Variants in CIT observed in about 807,000 individuals in gnomAD.
CIT encodes citron Rho-interacting kinase.
CIT carries 79 observed loss-of-function variants against 272.7 expected under a neutral mutation model. That is an observed-to-expected ratio of 0.29 (90% CI 0.24 to 0.35). The LOEUF is 0.35. CIT is among the 10% of genes least tolerant of loss of function. CIT has a pLI of 1.00. For synonymous variants in CIT, 948 were observed against 995.6 expected (o/e 0.95, Z 0.90); for missense variants, 1,909 against 2,618.3 (o/e 0.73, Z 5.91).
chr12:119,799,469 G>A (rs977369018), intron 10 of CIT, among the ~76,000 whole-genome samples: 1 of 152,184 alleles, frequency 6.6e-6, no homozygotes, highest in African/African-American at 2.4e-5. Context: ...GGAAGCAATG[G>A]CAACAGCCAC....
intron 10 of CIT, among the ~76,000 whole-genome samples, chr12:119,789,080 G>C (rs1233947892): frequency 6.6e-6 from 1 of 152,074 alleles, no homozygotes; most frequent in African/African-American, 2.4e-5. Flanking sequence ...GAATCACTTG[G>C]AGACCTTTTA....
intron 7 of CIT, among the ~76,000 whole-genome samples, chr12:119,831,218 T>C (rs1332721792): frequency 6.6e-6 from 1 of 152,240 alleles, no homozygotes; most frequent in Non-Finnish European, 1.5e-5. Context: ...TTCTGTGCTT[T>C]ATTCCACTAA....
At chr12:119,789,537 A>G (rs1371416656) in intron 10 of CIT, among the ~76,000 whole-genome samples, 1 of 152,244 alleles carries the variant, frequency 6.6e-6, no homozygotes, top group Non-Finnish European at 1.5e-5. Flanking sequence ...GGCTCAATTT[A>G]AAATGTTTAT....
rs79637085 is a variant in CIT at position 119,816,532 on chromosome 12, C to T, written c.1111+6288G>A. ...CTTCCTCTTGCAGGGCTTCACAACT[C>T]TAATATGCACAGAAATCCCCTGGGG... is the stretch of plus-strand genomic sequence containing the variant. On this transcript the variant is annotated intron_variant, in intron 9 of 47. Transcript: ENST00000392521. 3.1e-3 allele frequency among the ~76,000 whole-genome samples: 478 copies of T among 152,288 alleles called. 1 individual carries two copies. The highest frequency in any genetic ancestry group is 0.011 in the African/African-American group (464 of 41,550).
At chr12:119,817,839 C>T (rs1167841547) in intron 9 of CIT, among the ~76,000 whole-genome samples, 1 of 151,108 alleles carries the variant, frequency 6.6e-6, no homozygotes, top group Admixed American at 6.6e-5. Context: ...CTTTGGGAGG[C>T]AGAGGGAGGA....
Position 119,697,877 on chromosome 12 carries a change from C to A in CIT, c.5703-39G>T. On this transcript the variant is annotated intron_variant, in intron 45 of 47. Transcript: ENST00000392521. This position sits in a 1 kb window ranked among gnomAD's most constrained non-coding sequence, Gnocchi z 4.9. ...GAGTTCCAGTTACCTTCATTGCAGG[C>A]TACCTCCATTGCTAGGCAAGTTAGG... is the stretch of plus-strand genomic sequence containing the variant. 1 of 1,613,158 alleles carries A rather than the reference C, an allele frequency of 6.2e-7. No individual in the cohort carries two copies.
intron 47 of CIT, 63 bp from the exon 48 acceptor site, chr12:119,688,318 C>G: frequency 1.3e-6 from 2 of 1,514,734 alleles, no homozygotes; most frequent in Non-Finnish European, 1.8e-6. Flanking sequence ...GCTCACCTTG[C>G]ATGATGCAAA....
chr12:119,835,879 T>G (rs933497942), intron 5 of CIT, among the ~76,000 whole-genome samples: 4 of 152,118 alleles, frequency 2.6e-5, no homozygotes, highest in African/African-American at 9.7e-5. Context: ...GGGCTCCTTA[T>G]AACCTGGGAA....
intron 5 of CIT, among the ~76,000 whole-genome samples, chr12:119,837,576 G>A (rs1593911712): frequency 6.6e-6 from 1 of 152,218 alleles, no homozygotes; most frequent in East Asian, 1.9e-4. Flanking sequence ...CCCAGGTTGT[G>A]ACCAAGAGTC....
At chr12:119,812,429 G>A (rs989685116) in intron 9 of CIT, among the ~76,000 whole-genome samples, 2 of 151,620 alleles carry the variant, frequency 1.3e-5, no homozygotes, top group Admixed American at 1.3e-4. Context: ...TATCTCTTTA[G>A]TATCCTTTTC....
intron 39 of CIT, among the ~76,000 whole-genome samples, chr12:119,709,059 C>T (rs1957021483): frequency 6.6e-6 from 1 of 152,120 alleles, no homozygotes; most frequent in African/African-American, 2.4e-5. Flanking sequence ...TGATTAAATG[C>T]AATGCAAATT....
rs1362738087 is a variant in CIT at position 119,697,549 on chromosome 12, T to C, written c.5882+110A>G. ...CGCAAACAAATGAATGGTTTGAGCT[T>C]AAGAACAAAGTGAAGATTGGGAAAC... On this transcript the variant is annotated intron_variant, in intron 46 of 47. Coordinates refer to ENST00000392521, the MANE Select transcript of CIT (RefSeq NM_001206999.2). This position sits in a 1 kb window ranked among gnomAD's most constrained non-coding sequence, Gnocchi z 4.9. 24 of 1,171,102 alleles carry C rather than the reference T, an allele frequency of 2.0e-5. No individual in the cohort carries two copies. Among genetic ancestry groups the C allele is most frequent in the Non-Finnish European group, 2.8e-5 (23 of 825,706 alleles). The allele number at this position is 1,171,102 out of a possible 1,614,324, so 72.5% of individuals were successfully genotyped here.
chr12:119,693,255 C>T (rs1033785548), intron 46 of CIT, among the ~76,000 whole-genome samples: 1 of 152,160 alleles, frequency 6.6e-6, no homozygotes, highest in Non-Finnish European at 1.5e-5. Context: ...CAAGGAGTTA[C>T]GTTTCCTGCT....
chr12:119,806,137 CAAAAA>C (rs3858711), intron 9 of CIT, among the ~76,000 whole-genome samples: 7 of 62,658 alleles, frequency 1.1e-4, no homozygotes, highest in African/African-American at 2.9e-4. Flanking sequence ...AACACCATCT[CAAAAA>C]AAAAAAAAAA....
chr12:119,756,800 T>C (rs1961047749), intron 22 of CIT, among the ~76,000 whole-genome samples: 1 of 152,196 alleles, frequency 6.6e-6, no homozygotes, highest in South Asian at 2.1e-4. Context: ...TTAGGTTCCC[T>C]GCCCACAGAA....
At chr12:119,812,046 A>AGGAATTCTCATGCTTG (rs1416910882) in intron 9 of CIT, among the ~76,000 whole-genome samples, 2 of 151,796 alleles carry the variant, frequency 1.3e-5, no homozygotes, top group Admixed American at 1.3e-4. Context: ...CCCGGGTTCA[A>AGGAATTCTCATGCTTG]GGAATTCTCA....
intron 46 of CIT, among the ~76,000 whole-genome samples, chr12:119,695,597 A>G (rs1161712019): frequency 6.6e-6 from 1 of 152,146 alleles, no homozygotes. Context: ...GGAGTTTGAG[A>G]CCAGCCTGGG....
At chr12:119,803,058 C>A (rs1183341201) in intron 10 of CIT, 148 bp downstream of exon 10, 4 of 568,882 alleles carry the variant, frequency 7.0e-6, no homozygotes, top group East Asian at 3.3e-5. Context: ...AAAGCCCTAA[C>A]AGGTAGACTG....
At chr12:119,854,874 C>G (rs1970484622) in intron 4 of CIT, among the ~76,000 whole-genome samples, 1 of 152,110 alleles carries the variant, frequency 6.6e-6, no homozygotes, top group Admixed American at 6.6e-5. Context: ...TCGCTTGAAC[C>G]TGGGAGGCGG....
Sources: gnomAD v4.1 joint callset for allele counts (sites outside exome capture counted in the v4.1 genomes callset) on GRCh38, gnomAD v4.1.1 for gene constraint, Gnocchi (gnomAD v3.1) non-coding constraint, MANE v1.5 for transcripts, NCBI Gene and HGNC (gene_info 2026-07-23, HGNC 2026-07-21) for gene names.